GRB14: variants seen among roughly 807,000 people sequenced by gnomAD.
The protein encoded by GRB14 is growth factor receptor bound protein 14.
GRB14 carries 38 observed loss-of-function variants against 69.1 expected under a neutral mutation model. The observed-to-expected ratio is 0.55, with a 90% CI of 0.42 to 0.72. The LOEUF is 0.72. GRB14 is among the 30% of genes least tolerant of loss of function. The pLI is 0.00. For synonymous variants in GRB14, 247 were observed against 241.3 expected (o/e 1.02, Z -0.22); for missense variants, 666 against 666.1 (o/e 1.00, Z 0.00).
chr2:164,529,923 C>T (rs1009048858), intron 3 of GRB14, among the ~76,000 whole-genome samples: 7 of 152,092 alleles, frequency 4.6e-5, no homozygotes, highest in African/African-American at 1.7e-4. Flanking sequence ...GTTGAAGGTT[C>T]ACAGTATGTC....
At chr2:164,602,708 A>G (rs1283245029) in intron 2 of GRB14, among the ~76,000 whole-genome samples, 1 of 152,188 alleles carries the variant, frequency 6.6e-6, no homozygotes, top group East Asian at 1.9e-4. Flanking sequence ...TGCCCGGCAC[A>G]AGGCTAGAAT....
chr2:164,509,294 TC>T (rs536114897), intron 6 of GRB14, among the ~76,000 whole-genome samples: 63 of 152,276 alleles, frequency 4.1e-4, no homozygotes, highest in African/African-American at 1.1e-3. Context: ...AGACAATGAT[TC>T]CTGCTTCATT....
chr2:164,589,428 C>T (rs1689608184), intron 2 of GRB14, among the ~76,000 whole-genome samples: 1 of 152,078 alleles, frequency 6.6e-6, no homozygotes, highest in African/African-American at 2.4e-5. Context: ...TTATTTGACT[C>T]ACAATTCTGC....
intron 2 of GRB14, among the ~76,000 whole-genome samples, chr2:164,554,152 T>C (rs1294893874): frequency 6.6e-6 from 1 of 152,054 alleles, no homozygotes; most frequent in Non-Finnish European, 1.5e-5. Context: ...AAAAAACAAA[T>C]AGCAGAGCTG....
intron 3 of GRB14, among the ~76,000 whole-genome samples, chr2:164,532,259 A>G (rs1687961176): frequency 6.6e-6 from 1 of 152,200 alleles, no homozygotes; most frequent in African/African-American, 2.4e-5. Flanking sequence ...GAACAAACAA[A>G]TAATAGAAGA....
chr2:164,502,260 G>T lies in GRB14; in HGVS notation c.1099C>A (p.Pro367Thr). ...RSGCSSQSIS[P>T]MRSISENSLV... ...CTCAAAAATTTGGTCCTTACCATAGGTGATATGCTCTGTGAACTGCAGCCA... is the reference window on the plus strand; with the variant it reads ...CTCAAAAATTTGGTCCTTACCATAGTTGATATGCTCTGTGAACTGCAGCCA... The change falls in exon 9 of 14, where the codon CCT (proline) becomes ACT (threonine). Residue 367 changes from proline (P) to threonine (T), a missense_variant. Coordinates refer to ENST00000263915, the MANE Select transcript of GRB14 (RefSeq NM_004490.3). 6.3e-7 allele frequency: 1 copy of T among 1,584,812 alleles called. No individual in the cohort carries two copies. The highest frequency in any genetic ancestry group is 8.7e-7 in the Non-Finnish European group (1 of 1,154,704).
intron 9 of GRB14, among the ~76,000 whole-genome samples, chr2:164,498,917 G>A (rs544872262): frequency 6.6e-6 from 1 of 152,154 alleles, no homozygotes; most frequent in East Asian, 1.9e-4. Flanking sequence ...TTTGTTACAG[G>A]AGCCTTTATA....
chr2:164,497,531 G>A, intron 9 of GRB14, 41 bp from the exon 10 acceptor site: 1 of 1,248,106 alleles, frequency 8.0e-7, no homozygotes, highest in Non-Finnish European at 1.1e-6. Context: ...AAATTTCTTT[G>A]AAAGTTATCT....
At chr2:164,515,589 T>C (rs1466056347) in intron 6 of GRB14, among the ~76,000 whole-genome samples, 1 of 152,082 alleles carries the variant, frequency 6.6e-6, no homozygotes, top group African/African-American at 2.4e-5. Flanking sequence ...AATCTTCCTT[T>C]TGACATAGTT....
At chr2:164,576,269 G>A (rs1316378310) in intron 2 of GRB14, among the ~76,000 whole-genome samples, 1 of 150,052 alleles carries the variant, frequency 6.7e-6, no homozygotes, top group East Asian at 2.0e-4. Context: ...CCTTCTCAAA[G>A]CCTGAATAAC....
At chr2:164,522,888 C>T (rs1165757024) in intron 5 of GRB14, among the ~76,000 whole-genome samples, 2 of 152,064 alleles carry the variant, frequency 1.3e-5, no homozygotes, top group Non-Finnish European at 2.9e-5. Flanking sequence ...GGAAGTGACC[C>T]TTTGCCAATT....
intron 2 of GRB14, among the ~76,000 whole-genome samples, chr2:164,605,475 GC>G (rs1158808695): frequency 2.0e-5 from 3 of 152,110 alleles, no homozygotes; most frequent in Non-Finnish European, 4.4e-5. Flanking sequence ...CATGCACACT[GC>G]AATTGAGGCC....
intron 9 of GRB14, among the ~76,000 whole-genome samples, chr2:164,501,407 G>C (rs1687048392): frequency 6.6e-6 from 1 of 151,962 alleles, no homozygotes; most frequent in African/African-American, 2.4e-5. Flanking sequence ...TGAAAATGTA[G>C]ATTAAAAAAA....
At chr2:164,509,950 G>A (rs1687297404) in intron 6 of GRB14, among the ~76,000 whole-genome samples, 1 of 152,084 alleles carries the variant, frequency 6.6e-6, no homozygotes, top group Non-Finnish European at 1.5e-5. Flanking sequence ...TGTATTCACT[G>A]TTCTTAAGCA....
In GRB14 at chr2:164,602,194, A is replaced by G. The variant is rs57587502; in HGVS notation, c.324+17493T>C. Among the ~76,000 whole-genome samples, 278 of 147,808 alleles carry G rather than the reference A, an allele frequency of 1.9e-3. 1 individual carries two copies. Among genetic ancestry groups the G allele is most frequent in the African/African-American group, 6.6e-3 (269 of 40,580 alleles). On this transcript the variant is annotated intron_variant, in intron 2 of 13. Coordinates refer to ENST00000263915, the MANE Select transcript of GRB14 (RefSeq NM_004490.3). ...AGGGAAGAGAAGGGAAGGGAAGGGAAGGGAGGGGAGGGGAAGGGAGATTAG... is the reference window on the plus strand; with the variant it reads ...AGGGAAGAGAAGGGAAGGGAAGGGAGGGGAGGGGAGGGGAAGGGAGATTAG...
chr2:164,507,547 A>G (rs998923952), intron 8 of GRB14, among the ~76,000 whole-genome samples: 3 of 152,216 alleles, frequency 2.0e-5, no homozygotes, highest in Non-Finnish European at 2.9e-5. Context: ...GGCATAAATT[A>G]TAAAGAGTAC....
At chr2:164,569,481 C>T (rs1689073427) in intron 2 of GRB14, among the ~76,000 whole-genome samples, 1 of 152,128 alleles carries the variant, frequency 6.6e-6, no homozygotes, top group Non-Finnish European at 1.5e-5. Flanking sequence ...CAATCCTGAC[C>T]CACTGCCTTC....
intron 2 of GRB14, among the ~76,000 whole-genome samples, chr2:164,583,093 T>A (rs1574331944): frequency 6.6e-6 from 1 of 152,210 alleles, no homozygotes; most frequent in East Asian, 1.9e-4. Context: ...ATCTCACAGT[T>A]AATCAGGAAC....
At chr2:164,511,120 G>T (rs570674223) in intron 6 of GRB14, among the ~76,000 whole-genome samples, 1 of 152,134 alleles carries the variant, frequency 6.6e-6, no homozygotes, top group African/African-American at 2.4e-5. Flanking sequence ...GAGTTCTGGC[G>T]AGCCTCCCAA....
Sources: gnomAD v4.1 joint callset for allele counts (sites outside exome capture counted in the v4.1 genomes callset) on GRCh38, gnomAD v4.1.1 for gene constraint, MANE v1.5 for transcripts, NCBI Gene and HGNC (gene_info 2026-07-23, HGNC 2026-07-21) for gene names.